Variants in GTF2E1 observed in about 807,000 individuals in gnomAD.
GTF2E1 encodes general transcription factor IIE subunit 1.
In GTF2E1, 14 loss-of-function variants were observed where a neutral mutation model predicts 34.9. The observed-to-expected ratio is 0.40, with a 90% CI of 0.27 to 0.63. The LOEUF (loss-of-function observed/expected upper bound fraction) is 0.63. Ranked by LOEUF, GTF2E1 falls within the 20% of genes least tolerant of loss-of-function variation. The pLI is 0.39. For synonymous variants in GTF2E1, 188 were observed against 192.9 expected, an observed-to-expected ratio of 0.97 and a Z score of 0.21; for missense variants, 469 against 557.7, an observed-to-expected ratio of 0.84 and a Z score of 1.60.
chr3:120,781,679 T>TCAC lies in GTF2E1; in HGVS notation c.*210_*212dup, dbSNP rs1253917361. 6 of 569,852 alleles carry TCAC rather than the reference T, an allele frequency of 1.1e-5. No individual in the cohort carries two copies. The highest frequency in any genetic ancestry group is 8.6e-5 in the East Asian group (3 of 34,874). 35.3% of individuals were successfully genotyped at this position (569,852 alleles called of 1,614,324 possible). ...CTGAGAATCCTACCCTTCCTTGCTG[T>TCAC]CACTACAGTATTAATATTTTACTGT... On this transcript the variant is annotated 3_prime_UTR_variant, in exon 5 of 5. Coordinates refer to ENST00000283875, the MANE Select transcript of GTF2E1 (RefSeq NM_005513.3).
chr3:120,757,650 G>A (rs940096121), intron 2 of GTF2E1, among the ~76,000 whole-genome samples: 4 of 152,180 alleles, frequency 2.6e-5, no homozygotes, highest in East Asian at 3.9e-4. Flanking sequence ...ATAAAGTTTA[G>A]GAATGAGACT....
rs1219073339 is a variant in GTF2E1, at chr3:120,782,736, A to G, written c.*1266A>G. On this transcript the variant is annotated 3_prime_UTR_variant, in exon 5 of 5. Transcript: ENST00000283875. ...TCTCCCTCTTTCTAAACATCATTGA[A>G]GGCTGTCTCTCTTTTAATTTTTGTC... The G allele has an allele frequency of 6.6e-6, 1 of 152,168 alleles. No individual in the cohort carries two copies. Among genetic ancestry groups the G allele is most frequent in the Admixed American group, 6.5e-5 (1 of 15,274 alleles). 9.4% of individuals were successfully genotyped at this position (152,168 alleles called of 1,614,324 possible).
At chr3:120,754,968 T>C (rs2107606670) in intron 2 of GTF2E1, among the ~76,000 whole-genome samples, 1 of 152,288 alleles carries the variant, frequency 6.6e-6, no homozygotes, top group East Asian at 1.9e-4. Context: ...TCTAGGGGTA[T>C]ATACATTGCT....
At chr3:120,745,911 A>G (rs558686868) in intron 1 of GTF2E1, among the ~76,000 whole-genome samples, 1 of 152,334 alleles carries the variant, frequency 6.6e-6, no homozygotes, top group South Asian at 2.1e-4. Context: ...GCCCTGGGGT[A>G]GCAGGAAGGC....
rs574738059 is a variant in GTF2E1 at position 120,767,816 on chromosome 3, G to A, written c.449-2912G>A. The stretch of plus-strand genomic sequence containing the variant: ...AAGTTTGGATGAGATTAGAATTTAG[G>A]TGCCTTATGACTATATACTTTATTT... On this transcript the variant is annotated intron_variant, in intron 2 of 4. Transcript: ENST00000283875. 6.6e-5 allele frequency among the ~76,000 whole-genome samples: 10 copies of A among 152,180 alleles called. No homozygotes were observed. The South Asian group carries it at 1.9e-3, about 28-fold the overall frequency.
chr3:120,749,278 T>TC (rs1397065942), intron 1 of GTF2E1, among the ~76,000 whole-genome samples: 1 of 152,130 alleles, frequency 6.6e-6, no homozygotes, highest in East Asian at 1.9e-4. Flanking sequence ...TGGCCAGAAC[T>TC]TCCAACACTA....
At chr3:120,755,951 T>C (rs2107606958) in intron 2 of GTF2E1, among the ~76,000 whole-genome samples, 1 of 152,368 alleles carries the variant, frequency 6.6e-6, no homozygotes. Context: ...CTCATTCTTT[T>C]TTATGGCTGA....
intron 2 of GTF2E1, among the ~76,000 whole-genome samples, chr3:120,766,780 G>A (rs1354202625): frequency 6.6e-6 from 1 of 152,048 alleles, no homozygotes; most frequent in Admixed American, 6.6e-5. Flanking sequence ...GCTTCTTGCT[G>A]ACTGGTTCTG....
At chr3:120,774,260 T>C (rs1039996030) in intron 3 of GTF2E1, among the ~76,000 whole-genome samples, 10 of 152,044 alleles carry the variant, frequency 6.6e-5, no homozygotes, top group African/African-American at 1.7e-4. Flanking sequence ...TGGCTGAGGA[T>C]AGAAGAGGCA....
At chr3:120,761,125 A>G (rs1283078277) in intron 2 of GTF2E1, among the ~76,000 whole-genome samples, 4 of 151,974 alleles carry the variant, frequency 2.6e-5, no homozygotes, top group South Asian at 2.1e-4. Context: ...CAGAGATTCA[A>G]CTTCTTCCTG....
At chr3:120,762,275 C>T (rs1360971391) in intron 2 of GTF2E1, among the ~76,000 whole-genome samples, 2 of 152,076 alleles carry the variant, frequency 1.3e-5, no homozygotes, top group Non-Finnish European at 2.9e-5. Context: ...TCCTTGTTAA[C>T]CTTCTGTCTC....
intron 2 of GTF2E1, among the ~76,000 whole-genome samples, chr3:120,760,222 G>A (rs918295926): frequency 6.6e-6 from 1 of 152,074 alleles, no homozygotes; most frequent in African/African-American, 2.4e-5. Flanking sequence ...CTCATGATTT[G>A]ACTCTCTGTT....
intron 2 of GTF2E1, among the ~76,000 whole-genome samples, chr3:120,766,098 G>A (rs1559832857): frequency 1.3e-5 from 2 of 152,084 alleles, no homozygotes; most frequent in Non-Finnish European, 2.9e-5. Context: ...AGAAAAGTTG[G>A]GATGTTTATC....
chr3:120,765,452 C>A (rs1478519271), intron 2 of GTF2E1, among the ~76,000 whole-genome samples: 1 of 152,118 alleles, frequency 6.6e-6, no homozygotes, highest in Non-Finnish European at 1.5e-5. Flanking sequence ...TAAATCTTTT[C>A]TCCTTCTATT....
chr3:120,754,240 A>T (rs1394344800), intron 2 of GTF2E1, among the ~76,000 whole-genome samples: 1 of 152,210 alleles, frequency 6.6e-6, no homozygotes, highest in Non-Finnish European at 1.5e-5. Context: ...ATGATTTGGA[A>T]ATAGCTTTAT....
At chr3:120,762,047 C>T (rs1301904438) in intron 2 of GTF2E1, among the ~76,000 whole-genome samples, 2 of 152,160 alleles carry the variant, frequency 1.3e-5, no homozygotes, top group East Asian at 3.9e-4. Flanking sequence ...GCCTTGACCT[C>T]CCAAAGTGCT....
rs988100488 is a variant in GTF2E1 at position 120,776,812 on chromosome 3, A to G, written c.892+148A>G. 10 of 633,104 alleles carry G rather than the reference A, an allele frequency of 1.6e-5. No individual in the cohort carries two copies. In the South Asian group the frequency reaches 2.5e-4, roughly 16 times the overall value. 39.2% of individuals were successfully genotyped at this position (633,104 alleles called of 1,614,324 possible). A position where few individuals can be genotyped will look rare whatever the true frequency, so the allele number is the denominator to read the frequency against. ...AGGAAGTAAGAAATTGAACAATAAGATAAAAACCAACTAGTATACTTCCAT... is the reference window on the plus strand; with the variant it reads ...AGGAAGTAAGAAATTGAACAATAAGGTAAAAACCAACTAGTATACTTCCAT... On this transcript the variant is annotated intron_variant, in intron 4 of 4. Transcript: ENST00000283875.
intron 1 of GTF2E1, among the ~76,000 whole-genome samples, chr3:120,747,519 A>G (rs923939390): frequency 6.6e-6 from 1 of 152,030 alleles, no homozygotes; most frequent in Non-Finnish European, 1.5e-5. Context: ...TGTTCTTGCG[A>G]TAGTTTACTG....
intron 3 of GTF2E1, among the ~76,000 whole-genome samples, chr3:120,773,525 G>C (rs1428347314): frequency 6.6e-6 from 1 of 152,052 alleles, no homozygotes. Flanking sequence ...AAGAATTGAT[G>C]GACAATTCTA....
Sources: allele counts gnomAD v4.1 joint callset (sites outside exome capture counted in the v4.1 genomes callset), GRCh38; gene constraint gnomAD v4.1.1; transcripts MANE v1.5; gene names NCBI Gene and HGNC (gene_info 2026-07-23, HGNC 2026-07-21).